LRP1B: variants seen among roughly 807,000 people sequenced by gnomAD.
LRP1B encodes the protein LDL receptor related protein 1B.
In LRP1B, 217 loss-of-function variants were observed where a neutral mutation model predicts 556.6. That is an observed-to-expected ratio of 0.39 (90% CI 0.35 to 0.44). The LOEUF is 0.44. Ranked by LOEUF, LRP1B falls within the 20% of genes least tolerant of loss-of-function variation. LRP1B has a pLI of 1.00. For synonymous variants in LRP1B, 2,047 were observed against 1,865.8 expected, an observed-to-expected ratio of 1.10 and a Z score of -2.50; for missense variants, 5,053 against 5,620.8, an observed-to-expected ratio of 0.90 and a Z score of 3.23.
intron 1 of LRP1B, among the ~76,000 whole-genome samples, chr2:142,098,447 T>G (rs1325816308): frequency 6.6e-6 from 1 of 151,836 alleles, no homozygotes; most frequent in Non-Finnish European, 1.5e-5. Flanking sequence ...TAGATATTAC[T>G]GGAAACTGTC....
At position 141,107,311 on chromosome 2, in the gene LRP1B, T is replaced by A. The variant is rs16845470; in HGVS notation, c.1014-45038A>T. On this transcript the variant is annotated intron_variant, in intron 7 of 90. Coordinates refer to ENST00000389484, the MANE Select transcript of LRP1B (RefSeq NM_018557.3). ...CTATATAATTTTCAAAACAGAAAAA[T>A]TTTAGTATCCATCTTTGAAAGATAA... 2.6e-5 allele frequency among the ~76,000 whole-genome samples: 4 copies of A among 152,112 alleles called. No homozygotes were observed. The East Asian group carries it at 7.7e-4, about 29-fold the overall frequency.
intron 31 of LRP1B, among the ~76,000 whole-genome samples, chr2:140,831,974 C>A (rs147469802): frequency 3.3e-5 from 5 of 152,198 alleles, no homozygotes; most frequent in Admixed American, 2.0e-4. Flanking sequence ...TGGGATATCA[C>A]CTCACCCCAG....
chr2:141,328,347 A>T (rs530154032), intron 3 of LRP1B, among the ~76,000 whole-genome samples: 105 of 115,890 alleles, frequency 9.1e-4, no homozygotes, highest in African/African-American at 3.7e-3. Context: ...AGTTGTTGTA[A>T]TTATTAAATG....
chr2:141,235,998 A>G (rs573594582), intron 5 of LRP1B, among the ~76,000 whole-genome samples: 2 of 152,174 alleles, frequency 1.3e-5, no homozygotes, highest in African/African-American at 4.8e-5. Context: ...GAAATACAGT[A>G]TAATGTGATC....
At chr2:141,270,851 A>T in intron 3 of LRP1B, among the ~76,000 whole-genome samples, 1 of 152,022 alleles carries the variant, frequency 6.6e-6, no homozygotes, top group East Asian at 1.9e-4. Context: ...GAAGATAAAA[A>T]ATTTCTGAAG....
In LRP1B at chr2:141,863,634, A is replaced by G. The variant is rs76663029; in HGVS notation, c.83-53233T>C. On this transcript the variant is annotated intron_variant, in intron 1 of 90. Transcript: ENST00000389484. ...TATTTTGGCATCTATTGTATCATCA[A>G]ATCACCATAAAAACAGCATGACTAT... is the stretch of plus-strand genomic sequence containing the variant. Among the ~76,000 whole-genome samples, 20 of 152,302 alleles carry G rather than the reference A, an allele frequency of 1.3e-4. 1 individual carries two copies. In the East Asian group the frequency reaches 3.5e-3, roughly 26 times the overall value.
chr2:140,954,693 T>A (rs917368264), intron 18 of LRP1B, among the ~76,000 whole-genome samples: 1 of 152,034 alleles, frequency 6.6e-6, no homozygotes, highest in African/African-American at 2.4e-5. Flanking sequence ...ATTCAGTACA[T>A]TCAACCTCTA....
At chr2:140,544,213 C>T (rs202096389) in intron 43 of LRP1B, among the ~76,000 whole-genome samples, 11 of 49,954 alleles carry the variant, frequency 2.2e-4, no homozygotes, top group African/African-American at 4.4e-4. Flanking sequence ...GAGTTCAGGG[C>T]ATATGTGCAG....
intron 2 of LRP1B, among the ~76,000 whole-genome samples, chr2:141,609,674 A>C (rs73965728): frequency 0.023 from 3,525 of 152,204 alleles, 135 homozygotes; most frequent in African/African-American, 0.081. Flanking sequence ...GAGCTCTGGC[A>C]CTCTAGTGCT....
intron 1 of LRP1B, among the ~76,000 whole-genome samples, chr2:141,852,957 T>C (rs1385291717): frequency 6.6e-6 from 1 of 151,342 alleles, no homozygotes; most frequent in African/African-American, 2.4e-5. Context: ...CATTATCATA[T>C]GGTGCATCTC....
chr2:140,593,622 A>C (rs1442851167), intron 43 of LRP1B, among the ~76,000 whole-genome samples: 2 of 152,140 alleles, frequency 1.3e-5, no homozygotes, highest in Non-Finnish European at 2.9e-5. Flanking sequence ...AAATCAGAAA[A>C]ACCCAGCCAA....
At chr2:141,575,239 C>T (rs1200674169) in intron 2 of LRP1B, among the ~76,000 whole-genome samples, 1 of 152,200 alleles carries the variant, frequency 6.6e-6, no homozygotes, top group African/African-American at 2.4e-5. Context: ...ACCAAAACAG[C>T]ATGGTATTGG....
In LRP1B at chr2:140,903,150, T is replaced by C. The variant is rs2105223612; in HGVS notation, c.3536A>G (p.Asn1179Ser). ...ACAGTGGTTGCTACAGCCTCCATTG[T>C]TCAGCGAACACTCATCTATAAAAAG... ...EGYLCDECSL[N>S]NGGCSNHCSV... The change falls in exon 23 of 91, where the codon AAC becomes AGC. Residue 1179 changes from asparagine to serine, a missense_variant. This residue lies in a region of LRP1B where 3,619 missense variants were observed against 3,931.9 expected (regional missense o/e 0.92). Coordinates refer to ENST00000389484, the MANE Select transcript of LRP1B (RefSeq NM_018557.3). 1 of 1,613,262 alleles carries C rather than the reference T, an allele frequency of 6.2e-7. No homozygotes were observed. Among genetic ancestry groups the C allele is most frequent in the Non-Finnish European group, 8.5e-7 (1 of 1,179,560 alleles).
chr2:140,322,309 T>G (rs1479570379), intron 81 of LRP1B, among the ~76,000 whole-genome samples: 1 of 152,208 alleles, frequency 6.6e-6, no homozygotes, highest in Admixed American at 6.5e-5. Context: ...GCCTTATTTA[T>G]ATTTTCCAAA....
At chr2:140,313,446 C>G (rs1240957388) in intron 83 of LRP1B, among the ~76,000 whole-genome samples, 1 of 151,786 alleles carries the variant, frequency 6.6e-6, no homozygotes, top group Non-Finnish European at 1.5e-5. Context: ...ACAGCAAATT[C>G]AATGTTTTGT....
chr2:141,459,444 A>C (rs755906696), intron 3 of LRP1B, among the ~76,000 whole-genome samples: 1 of 152,156 alleles, frequency 6.6e-6, no homozygotes, highest in Non-Finnish European at 1.5e-5. Context: ...GGGTGCAGGC[A>C]TATGTTCCTG....
chr2:140,237,037 C>G (rs182264401), intron 89 of LRP1B, among the ~76,000 whole-genome samples: 2 of 150,734 alleles, frequency 1.3e-5, no homozygotes, highest in African/African-American at 4.9e-5. Flanking sequence ...ATTAAAAATC[C>G]TTTTCTAGCT....
intron 18 of LRP1B, among the ~76,000 whole-genome samples, chr2:140,967,220 G>C (rs1219924065): frequency 6.6e-6 from 1 of 151,984 alleles, no homozygotes. Context: ...TTATTTCACT[G>C]AACAGCGGTT....
At chr2:141,250,719 C>T (rs1345975548) in intron 4 of LRP1B, among the ~76,000 whole-genome samples, 1 of 152,106 alleles carries the variant, frequency 6.6e-6, no homozygotes, top group African/African-American at 2.4e-5. Context: ...TCTTGCAGTA[C>T]TAGGTCCTTA....
Sources: gnomAD v4.1 joint callset for allele counts (sites outside exome capture counted in the v4.1 genomes callset) on GRCh38, gnomAD v4.1.1 for gene constraint, gnomAD v4.1.1 regional missense constraint, MANE v1.5 for transcripts, NCBI Gene and HGNC (gene_info 2026-07-23, HGNC 2026-07-21) for gene names.